The following DYNC1H1 variants were observed in gnomAD, a reference collection of about 807,000 sequenced individuals.
The protein encoded by DYNC1H1 is cytoplasmic dynein 1 heavy chain 1.
In DYNC1H1, 51 loss-of-function variants were observed where a neutral mutation model predicts 527.1. The ratio of observed to expected loss-of-function variants is 0.10; its 90% confidence interval spans 0.08 to 0.12. The LOEUF (loss-of-function observed/expected upper bound fraction) is 0.12, where lower values mean the gene tolerates loss of function less well. DYNC1H1 is among the 10% of genes least tolerant of loss of function. The pLI is 1.00. For synonymous variants in DYNC1H1, 2,189 were observed against 2,278.8 expected, an observed-to-expected ratio of 0.96 and a Z score of 1.12; for missense variants, 2,771 against 5,971.8, an observed-to-expected ratio of 0.46 and a Z score of 17.66.
At position 102,029,298 on chromosome 14, in the gene DYNC1H1, T is replaced by C. The variant is rs2048484177; in HGVS notation, c.9469-241T>C. The C allele has an allele frequency of 3.5e-6, 2 of 564,374 alleles. No individual in the cohort carries two copies. Among genetic ancestry groups the C allele is most frequent in the Non-Finnish European group, 6.3e-6 (2 of 315,802 alleles). 35.0% of individuals were successfully genotyped at this position (564,374 alleles called of 1,614,324 possible). A position where few individuals can be genotyped will look rare whatever the true frequency, so the allele number is the denominator to read the frequency against. ...ATGCCTTTTCACATAAGTACACCTC[T>C]AAAGTTGGTGTAATCACCATCCTCA... On this transcript the variant is annotated intron_variant, in intron 48 of 77. Transcript: ENST00000360184. The surrounding 1 kb of genome is among the most constrained non-coding windows in gnomAD (Gnocchi z 5.3).
Position 102,038,927 on chromosome 14 carries a change from G to A in DYNC1H1, c.11207-74G>A, listed in dbSNP as rs563585886. On this transcript the variant is annotated intron_variant, in intron 59 of 77. Coordinates refer to ENST00000360184, the MANE Select transcript of DYNC1H1 (RefSeq NM_001376.5). The surrounding 1 kb of genome is among the most constrained non-coding windows in gnomAD (Gnocchi z 7.2). ...CTTTTAAGTGACTAGGATGTTCCAC[G>A]TTTGTGGCAAACACTTCTGAGAGCA... is the stretch of plus-strand genomic sequence containing the variant. 23 of 1,596,012 alleles carry A rather than the reference G, an allele frequency of 1.4e-5. No homozygotes were observed. Among genetic ancestry groups the A allele is most frequent in the South Asian group, 1.2e-4 (11 of 89,836 alleles).
chr14:102,049,865 G>A lies in DYNC1H1; in HGVS notation c.13667G>A (p.Cys4556Tyr), dbSNP rs142519155. The A allele has an allele frequency of 2.4e-5, 38 of 1,613,914 alleles. No homozygotes were observed. The Admixed American group carries it at 3.0e-4, about 13-fold the overall frequency. The change falls in exon 76 of 78, where the codon TGC becomes TAC. Residue 4556 changes from cysteine (C) to tyrosine (Y), a missense_variant. Coordinates refer to ENST00000360184, the MANE Select transcript of DYNC1H1 (RefSeq NM_001376.5). The surrounding 1 kb of genome is among the most constrained non-coding windows in gnomAD (Gnocchi z 5.5). Reference protein sequence around the residue: ...TTSQGATLDACSFGVTGLKLQ... With the variant: ...TTSQGATLDAYSFGVTGLKLQ... ...TCACAGGGCGCCACCCTTGACGCTT[G>A]CAGCTTCGGAGTCACGGGTGAGTGG... is the stretch of plus-strand genomic sequence containing the variant.
At chr14:102,003,284 A>C in intron 23 of DYNC1H1, among the ~76,000 whole-genome samples, 1 of 142,212 alleles carries the variant, frequency 7.0e-6, no homozygotes, top group African/African-American at 2.7e-5. Flanking sequence ...TTTTTTTGAG[A>C]TGGAGTCTTG....
intron 1 of DYNC1H1, among the ~76,000 whole-genome samples, chr14:101,973,199 ATT>A (rs59446522): frequency 7.1e-5 from 10 of 141,358 alleles, no homozygotes; most frequent in Admixed American, 7.1e-5. Flanking sequence ...AGATACACTA[ATT>A]TTTTTTTTTT....
At position 102,002,978 on chromosome 14, in the gene DYNC1H1, C is replaced by T. The variant is rs1567007110; in HGVS notation, c.4883+13C>T. ...CATCTTTCCCCAGGTAAGATCCTTG[C>T]TTTGACTTGGCCTGGAGTCAAGTTG... On this transcript the variant is annotated intron_variant, in intron 23 of 77. Coordinates refer to ENST00000360184, the MANE Select transcript of DYNC1H1 (RefSeq NM_001376.5). The surrounding 1 kb of genome is among the most constrained non-coding windows in gnomAD (Gnocchi z 4.4). 1.9e-6 allele frequency: 3 copies of T among 1,613,870 alleles called. No homozygotes were observed. Among genetic ancestry groups the T allele is most frequent in the Admixed American group, 1.7e-5 (1 of 60,018 alleles).
At chr14:101,987,144 C>T (rs995803837) in intron 8 of DYNC1H1, among the ~76,000 whole-genome samples, 1 of 152,224 alleles carries the variant, frequency 6.6e-6, no homozygotes, top group Non-Finnish European at 1.5e-5. Context: ...GGCTGGCTCC[C>T]CAGGCACAGG....
At position 102,000,415 on chromosome 14, in the gene DYNC1H1, G is replaced by A. The variant is rs200562671; in HGVS notation, c.4074+16G>A. 38 of 1,611,528 alleles carry A rather than the reference G, an allele frequency of 2.4e-5. No individual in the cohort carries two copies. Among genetic ancestry groups the A allele is most frequent in the African/African-American group, 8.0e-5 (6 of 74,824 alleles). On this transcript the variant is annotated intron_variant, in intron 18 of 77. Coordinates refer to ENST00000360184, the MANE Select transcript of DYNC1H1 (RefSeq NM_001376.5). ...GCCTCGAAAGGTATATCATGAAATC[G>A]GTGTTTGTGTACGTCTATTTTAACA...
In DYNC1H1 at chr14:102,005,574, G is replaced by A. The variant is rs545893626; in HGVS notation, c.5434-314G>A. Among the ~76,000 whole-genome samples the A allele has an allele frequency of 5.3e-5, 8 of 152,340 alleles. No individual in the cohort carries two copies. Among genetic ancestry groups the A allele is most frequent in the Admixed American group, 4.6e-4 (7 of 15,302 alleles). On this transcript the variant is annotated intron_variant, in intron 26 of 77. Coordinates refer to ENST00000360184, the MANE Select transcript of DYNC1H1 (RefSeq NM_001376.5). The surrounding 1 kb of genome is among the most constrained non-coding windows in gnomAD (Gnocchi z 4.0). The stretch of plus-strand genomic sequence containing the variant: ...CTTGCTGCGAGCCCCATGGCGGCAC[G>A]TGGCAGACTCCTAGGATAGACGTCA...
rs529589123 is a variant in DYNC1H1 at position 102,015,869 on chromosome 14, C to T, written c.7256C>T (p.Ala2419Val). ...ASPMLQIQRD[A>V]ATIMQPYFTS... ...TCCACTTTCTAGATCCAAAGAGATG[C>T]AGCTACGATCATGCAACCGTACTTC... The change falls in exon 36 of 78, where the codon GCA (alanine) becomes GTA (valine). Residue 2419 changes from alanine to valine, a missense_variant. Physicochemically the swap from Ala to Val is moderately conservative, Grantham distance 64. Transcript: ENST00000360184. The surrounding 1 kb of genome is among the most constrained non-coding windows in gnomAD (Gnocchi z 6.9). 2.5e-6 allele frequency: 4 copies of T among 1,614,188 alleles called. No individual in the cohort carries two copies. Among genetic ancestry groups the T allele is most frequent in the East Asian group, 2.2e-5 (1 of 44,886 alleles).
At chr14:102,009,819 T>C (rs763849507) in intron 29 of DYNC1H1, 24 bp from the exon 30 acceptor site, 1 of 1,614,112 alleles carries the variant, frequency 6.2e-7, no homozygotes, top group Non-Finnish European at 8.5e-7. Flanking sequence ...ATTTCTAGTC[T>C]TAACGCTATC....
chr14:101,987,022 A>G (rs184226180), intron 8 of DYNC1H1, among the ~76,000 whole-genome samples: 29 of 152,364 alleles, frequency 1.9e-4, no homozygotes, highest in Admixed American at 1.0e-3. Context: ...CAGAGAGCAG[A>G]ATGCAGTTTT....
At chr14:102,047,497 A>G (rs17541643) in intron 72 of DYNC1H1, among the ~76,000 whole-genome samples, 48 of 152,002 alleles carry the variant, frequency 3.2e-4, no homozygotes, top group African/African-American at 1.1e-3. Flanking sequence ...AGGTCACGCC[A>G]CTGCACTCCA....
intron 10 of DYNC1H1, among the ~76,000 whole-genome samples, chr14:101,990,438 G>T (rs992842928): frequency 6.6e-6 from 1 of 152,216 alleles, no homozygotes; most frequent in African/African-American, 2.4e-5. Context: ...AGCACCTGCT[G>T]TCTGACTTAT....
Position 102,038,807 on chromosome 14 carries a change from C to T in DYNC1H1, c.11165C>T (p.Pro3722Leu), listed in dbSNP as rs2048607977. 6.2e-7 allele frequency: 1 copy of T among 1,614,146 alleles called. No homozygotes were observed. The highest frequency in any genetic ancestry group is 8.5e-7 in the Non-Finnish European group (1 of 1,180,034). Residue 3722 changes from proline to leucine, a missense_variant, in exon 59 of 78, where the codon CCT becomes CTT. Pro to Leu is a moderately conservative substitution (Grantham distance 98). Around this residue, in one of 32 missense-constraint regions of DYNC1H1, gnomAD observed 283 missense variants for 737.6 expected, o/e 0.38. Transcript: ENST00000360184. The surrounding 1 kb of genome is among the most constrained non-coding windows in gnomAD (Gnocchi z 7.2). ...CLNEVLKAER[P>L]DVDEKRSDLL... ...AATGAAGTACTTAAAGCAGAAAGACCTGATGTGGACGAGAAACGATCTGAT... is the reference window on the plus strand; with the variant it reads ...AATGAAGTACTTAAAGCAGAAAGACTTGATGTGGACGAGAAACGATCTGAT...
rs2048852799 is a variant in DYNC1H1, at chr14:102,054,241, C to G, written c.*3678C>G. 6.6e-6 allele frequency: 1 copy of G among 152,332 alleles called. No homozygotes were observed. The highest frequency in any genetic ancestry group is 1.5e-5 in the Non-Finnish European group (1 of 68,200). 9.4% of individuals were successfully genotyped at this position (152,332 alleles called of 1,614,324 possible). On this transcript the variant is annotated 3_prime_UTR_variant, in exon 78 of 78. Transcript: ENST00000360184. ...GAGCTCCGTCTTTTCCTCTCAACAG[C>G]TCTTCCAAAGGGCAAGGCAGCATTT...
intron 72 of DYNC1H1, 145 bp from the exon 73 acceptor site, chr14:102,047,672 C>A (rs536057938): frequency 1.4e-4 from 84 of 598,808 alleles, no homozygotes; most frequent in Non-Finnish European, 2.1e-4. Flanking sequence ...TATGTACACA[C>A]GGCTGAGCAC....
In DYNC1H1 at chr14:102,001,514, A is replaced by C. The variant is rs374949863; in HGVS notation, c.4396-21A>C. 1 of 1,614,166 alleles carries C rather than the reference A, an allele frequency of 6.2e-7. No individual in the cohort carries two copies. On this transcript the variant is annotated intron_variant, in intron 20 of 77. Transcript: ENST00000360184. This position sits in a 1 kb window ranked among gnomAD's most constrained non-coding sequence, Gnocchi z 5.0. Reference sequence around the variant, plus strand: ...GAATGCCCACATATTGATAACATGCATCTTTCTGGTTTGAATTCAGATAAG... The same window carrying C: ...GAATGCCCACATATTGATAACATGCCTCTTTCTGGTTTGAATTCAGATAAG...
Position 102,036,504 on chromosome 14 carries a change from T to C in DYNC1H1, c.10770T>C (p.Ile3590=). 1 of 1,613,950 alleles carries C rather than the reference T, an allele frequency of 6.2e-7. No homozygotes were observed. Among genetic ancestry groups the C allele is most frequent in the Non-Finnish European group, 8.5e-7 (1 of 1,179,992 alleles). Reference sequence around the variant, plus strand: ...TCATCCTCAGGTATCCGCTGATCATTGACCCCTCTGGACAGGCCACAGAAT... The same window carrying C: ...TCATCCTCAGGTATCCGCTGATCATCGACCCCTCTGGACAGGCCACAGAAT... ...LKRFNRYPLI[I]DPSGQATEFI... is the part of the protein sequence containing the mutation. The change falls in exon 57 of 78, where the codon ATT becomes ATC. Residue 3590 remains isoleucine (I), a synonymous_variant. Coordinates refer to ENST00000360184, the MANE Select transcript of DYNC1H1 (RefSeq NM_001376.5). The surrounding 1 kb of genome is among the most constrained non-coding windows in gnomAD (Gnocchi z 5.6).
At chr14:101,989,250 A>G (rs960329159) in intron 10 of DYNC1H1, among the ~76,000 whole-genome samples, 1 of 152,248 alleles carries the variant, frequency 6.6e-6, no homozygotes, top group African/African-American at 2.4e-5. Context: ...CTTACCATTC[A>G]TGCAATAAAT....
Sources: gnomAD v4.1 joint callset for allele counts (sites outside exome capture counted in the v4.1 genomes callset) on GRCh38, gnomAD v4.1.1 for gene constraint, gnomAD v4.1.1 regional missense constraint, Gnocchi (gnomAD v3.1) non-coding constraint, MANE v1.5 for transcripts, NCBI Gene and HGNC (gene_info 2026-07-23, HGNC 2026-07-21) for gene names.